KCND3: variants seen among roughly 807,000 people sequenced by gnomAD.
KCND3 encodes the protein potassium voltage-gated channel subfamily D member 3, also known as A-type voltage-gated potassium channel KCND3.
A neutral mutation model predicts 51.1 loss-of-function variants in KCND3; 9 were observed. The observed-to-expected ratio is 0.18, with a 90% CI of 0.11 to 0.31. The LOEUF (loss-of-function observed/expected upper bound fraction) is 0.31. KCND3 is among the 10% of genes least tolerant of loss of function. The probability of loss-of-function intolerance (pLI) is 1.00; values close to 1 mark genes in which losing one functional copy is unlikely to be tolerated. For missense variants in KCND3, 526 were observed against 903.8 expected (o/e 0.58, Z 5.36); for synonymous variants, 349 against 368.0 (o/e 0.95, Z 0.59).
chr1:111,826,696 A>T (rs1299894999), intron 2 of KCND3, among the ~76,000 whole-genome samples: 1 of 152,202 alleles, frequency 6.6e-6, no homozygotes, highest in Non-Finnish European at 1.5e-5. Flanking sequence ...CAGGGTTTCA[A>T]TAGGACAGTG....
At chr1:111,875,605 G>C (rs1669014402) in intron 2 of KCND3, among the ~76,000 whole-genome samples, 1 of 152,204 alleles carries the variant, frequency 6.6e-6, no homozygotes, top group Non-Finnish European at 1.5e-5. Context: ...TCCTTCCCGG[G>C]ATCAGCACCT....
intron 2 of KCND3, among the ~76,000 whole-genome samples, chr1:111,914,782 A>G (rs1259260575): frequency 6.6e-6 from 1 of 151,640 alleles, no homozygotes; most frequent in Non-Finnish European, 1.5e-5. Flanking sequence ...TCTCCAGGAA[A>G]AAGGAAAATG....
At chr1:111,959,045 C>T (rs1039843339) in intron 2 of KCND3, among the ~76,000 whole-genome samples, 4 of 152,180 alleles carry the variant, frequency 2.6e-5, no homozygotes, top group African/African-American at 9.7e-5. Context: ...CTCGCACACA[C>T]ACTCACAGAG....
At chr1:111,962,462 C>T (rs1235640483) in intron 2 of KCND3, among the ~76,000 whole-genome samples, 2 of 152,138 alleles carry the variant, frequency 1.3e-5, no homozygotes, top group Non-Finnish European at 2.9e-5. Context: ...AGTTAGTGCA[C>T]CAGAGAAGAA....
intron 1 of KCND3, among the ~76,000 whole-genome samples, chr1:111,988,010 G>C (rs78534415): frequency 6.6e-6 from 1 of 152,152 alleles, no homozygotes; most frequent in Non-Finnish European, 1.5e-5. Flanking sequence ...AAAGGGGGTG[G>C]AGTGACCAGA....
At position 111,776,151 on chromosome 1, in the gene KCND3, G is replaced by T; in HGVS notation, c.1894C>A (p.Pro632Thr). 6.2e-7 allele frequency: 1 copy of T among 1,614,230 alleles called. No homozygotes were observed. The highest frequency in any genetic ancestry group is 8.5e-7 in the Non-Finnish European group (1 of 1,180,044). ...ALTPEGESRPPPASPGPNTNI... is the reference protein window; with the variant it reads ...ALTPEGESRPTPASPGPNTNI... ...GTGTTGGGGCCTGGGCTGGCAGGGGGTGGCCGACTTTCCCCCTCTGGGGTT... is the reference window on the plus strand; with the variant it reads ...GTGTTGGGGCCTGGGCTGGCAGGGGTTGGCCGACTTTCCCCCTCTGGGGTT... Residue 632 changes from proline (P) to threonine (T), a missense_variant, in exon 8 of 8, where the codon CCC (proline) becomes ACC (threonine). Physicochemically the swap from Pro to Thr is conservative, Grantham distance 38. Coordinates refer to ENST00000302127, the MANE Select transcript of KCND3 (RefSeq NM_001378969.1).
At chr1:111,834,155 G>A (rs902610755) in intron 2 of KCND3, among the ~76,000 whole-genome samples, 1 of 152,196 alleles carries the variant, frequency 6.6e-6, no homozygotes, top group Non-Finnish European at 1.5e-5. Flanking sequence ...TCTGCATCTA[G>A]CTCTCTCCCT....
intron 2 of KCND3, among the ~76,000 whole-genome samples, chr1:111,844,748 C>T (rs906827351): frequency 3.3e-5 from 5 of 151,932 alleles, no homozygotes; most frequent in Non-Finnish European, 7.4e-5. Context: ...ACCTGTGTCC[C>T]CTCTCATCCT....
intron 2 of KCND3, among the ~76,000 whole-genome samples, chr1:111,812,221 C>T (rs1284329088): frequency 6.6e-6 from 1 of 152,222 alleles, no homozygotes; most frequent in Non-Finnish European, 1.5e-5. Context: ...GCCAACTCCC[C>T]GGCTCCACTG....
chr1:111,940,418 G>A (rs1672460814), intron 2 of KCND3, among the ~76,000 whole-genome samples: 1 of 152,136 alleles, frequency 6.6e-6, no homozygotes, highest in South Asian at 2.1e-4. Flanking sequence ...GTGTAAGGAA[G>A]GGGTCCGGTT....
intron 2 of KCND3, among the ~76,000 whole-genome samples, chr1:111,882,171 G>C (rs1186502296): frequency 6.6e-6 from 1 of 152,116 alleles, no homozygotes; most frequent in African/African-American, 2.4e-5. Flanking sequence ...TGTTTAATGA[G>C]GTGTTTTCCC....
At chr1:111,920,832 G>T (rs2101837069) in intron 2 of KCND3, among the ~76,000 whole-genome samples, 1 of 152,294 alleles carries the variant, frequency 6.6e-6, no homozygotes, top group Middle Eastern at 3.4e-3. Context: ...CTCACTCCAG[G>T]ACTCCTCTTC....
At chr1:111,975,244 C>T (rs1023502856) in intron 2 of KCND3, among the ~76,000 whole-genome samples, 3 of 152,224 alleles carry the variant, frequency 2.0e-5, no homozygotes, top group African/African-American at 7.2e-5. Context: ...AACTCAGGTG[C>T]TCTGGCTGGT....
At chr1:111,914,150 C>T (rs1671084832) in intron 2 of KCND3, among the ~76,000 whole-genome samples, 1 of 148,380 alleles carries the variant, frequency 6.7e-6, no homozygotes, top group South Asian at 2.1e-4. Context: ...AAATAAAAGA[C>T]AAAATACAAT....
chr1:111,816,845 C>T (rs1666112258), intron 2 of KCND3, among the ~76,000 whole-genome samples: 1 of 152,172 alleles, frequency 6.6e-6, no homozygotes, highest in African/African-American at 2.4e-5. Flanking sequence ...GAAATAACTA[C>T]ATGCCACATC....
chr1:111,849,676 C>T (rs1382457187), intron 2 of KCND3, among the ~76,000 whole-genome samples: 1 of 152,206 alleles, frequency 6.6e-6, no homozygotes, highest in Non-Finnish European at 1.5e-5. Context: ...ATCTGCATGG[C>T]TATATCTGTC....
intron 2 of KCND3, among the ~76,000 whole-genome samples, chr1:111,923,723 T>G (rs1202888466): frequency 6.6e-6 from 1 of 152,164 alleles, no homozygotes; most frequent in Non-Finnish European, 1.5e-5. Flanking sequence ...AACAGGGCCC[T>G]GCTACCTCGT....
intron 2 of KCND3, among the ~76,000 whole-genome samples, chr1:111,873,156 G>A (rs540142350): frequency 1.3e-5 from 2 of 152,204 alleles, no homozygotes; most frequent in Non-Finnish European, 2.9e-5. Context: ...CCACCTACCC[G>A]ACATTGTTCC....
At chr1:111,797,429 C>A (rs566844689) in intron 2 of KCND3, among the ~76,000 whole-genome samples, 3 of 152,322 alleles carry the variant, frequency 2.0e-5, no homozygotes, top group South Asian at 4.1e-4. Context: ...CTTTCCCCCC[C>A]ATCCTCCTGG....
Sources: allele counts gnomAD v4.1 joint callset (sites outside exome capture counted in the v4.1 genomes callset), GRCh38; gene constraint gnomAD v4.1.1; transcripts MANE v1.5; gene names NCBI Gene and HGNC (gene_info 2026-07-23, HGNC 2026-07-21).